PDZD2: variants seen among roughly 807,000 people sequenced by gnomAD.
PDZD2 encodes the protein PDZ domain containing 2.
PDZD2 carries 90 observed loss-of-function variants against 220.7 expected under a neutral mutation model. The ratio of observed to expected loss-of-function variants is 0.41; its 90% CI spans 0.34 to 0.49. The LOEUF (loss-of-function observed/expected upper bound fraction) is 0.49. Ranked by LOEUF, PDZD2 falls within the 20% of genes least tolerant of loss-of-function variation. The pLI, the probability that PDZD2 is intolerant of heterozygous loss-of-function variation, is 0.28. For synonymous variants in PDZD2, 1,375 were observed against 1,450.5 expected (o/e 0.95, Z 1.18); for missense variants, 3,174 against 3,608.5 (o/e 0.88, Z 3.08).
Position 31,935,851 on chromosome 5 carries a change from C to T in PDZD2, c.477-47304C>T, listed in dbSNP as rs73066476. On this transcript the variant is annotated intron_variant, in intron 2 of 24. Coordinates refer to ENST00000438447, the MANE Select transcript of PDZD2 (RefSeq NM_178140.4). ...TCTGTAGAATGAAGCAGCTGTGGTC[C>T]GTGGCCAAGTGTGCGTCCTTTGGTG... Among the ~76,000 whole-genome samples, 1,382 of 152,282 alleles carry T rather than the reference C, an allele frequency of 9.1e-3. 18 individuals carry two copies. The highest frequency in any genetic ancestry group is 0.032 in the African/African-American group (1,316 of 41,562).
At chr5:31,912,450 G>T (rs1466812747) in intron 2 of PDZD2, among the ~76,000 whole-genome samples, 1 of 152,096 alleles carries the variant, frequency 6.6e-6, no homozygotes, top group African/African-American at 2.4e-5. Flanking sequence ...TAACCCCCAA[G>T]GGGGTTCCTC....
rs1321874066 is a variant in PDZD2, at chr5:32,079,280, C to CA, written c.3682+1686dup. The stretch of plus-strand genomic sequence containing the variant: ...TCTCAAAAAAAAAACAAAAAAAAAA[C>CA]AAAAAAAAAAAAGGAAATCTGGATT... On this transcript the variant is annotated intron_variant, in intron 19 of 24. Transcript: ENST00000438447. Among the ~76,000 whole-genome samples, 170 of 121,344 alleles carry CA rather than the reference C, an allele frequency of 1.4e-3. 1 individual carries two copies. The highest frequency in any genetic ancestry group is 9.6e-3 in the East Asian group (42 of 4,374). 79.6% of individuals were successfully genotyped at this position (121,344 alleles called of 152,430 possible).
rs755640565 is a variant in PDZD2, at chr5:32,088,328, C to T, written c.4880C>T (p.Ser1627Leu). 6.8e-6 allele frequency: 11 copies of T among 1,614,036 alleles called. No individual in the cohort carries two copies. Among genetic ancestry groups the T allele is most frequent in the Admixed American group, 3.3e-5 (2 of 59,998 alleles). Residue 1627 changes from serine (S) to leucine (L), a missense_variant, in exon 20 of 25, where the codon TCA becomes TTA. Physicochemically the swap from Ser to Leu is moderately radical, Grantham distance 145. Coordinates refer to ENST00000438447, the MANE Select transcript of PDZD2 (RefSeq NM_178140.4). This position sits in a 1 kb window ranked among gnomAD's most constrained non-coding sequence, Gnocchi z 4.6. ...LPTQAAICPA[S>L]AKVLSLKYST... ...ACCCAGGCTGCCATCTGTCCTGCCT[C>T]AGCCAAAGTTCTGTCATTAAAATAC... is the stretch of plus-strand genomic sequence containing the variant.
At chr5:32,104,712 CATCTAAAAA>C (rs1283052991) in intron 24 of PDZD2, among the ~76,000 whole-genome samples, 1 of 73,022 alleles carries the variant, frequency 1.4e-5, no homozygotes, top group Non-Finnish European at 2.4e-5. Flanking sequence ...GAGAAGGCTC[CATCTAAAAA>C]AAAAAAAAAA....
chr5:31,917,339 G>C (rs1189815342), intron 2 of PDZD2, among the ~76,000 whole-genome samples: 1 of 152,150 alleles, frequency 6.6e-6, no homozygotes, highest in Non-Finnish European at 1.5e-5. Context: ...CTTGAGGCCA[G>C]CCTGGGCAAC....
chr5:31,916,885 G>A (rs1299894581), intron 2 of PDZD2, among the ~76,000 whole-genome samples: 1 of 151,446 alleles, frequency 6.6e-6, no homozygotes, highest in Non-Finnish European at 1.5e-5. Context: ...TCTGGTTTTA[G>A]TGAGAGCCCT....
At chr5:31,828,323 C>A (rs1359045952) in intron 2 of PDZD2, among the ~76,000 whole-genome samples, 2 of 152,172 alleles carry the variant, frequency 1.3e-5, no homozygotes, top group African/African-American at 4.8e-5. Flanking sequence ...GTTCTAATTT[C>A]TCCACATTCC....
chr5:32,039,559 GGCCACC>G (rs1308444672), intron 7 of PDZD2, among the ~76,000 whole-genome samples: 1 of 152,100 alleles, frequency 6.6e-6, no homozygotes, highest in African/African-American at 2.4e-5. Context: ...GTCTCTGCCT[GGCCACC>G]CATCGTCTGG....
At chr5:31,946,694 CG>C (rs1456649012) in intron 2 of PDZD2, among the ~76,000 whole-genome samples, 3 of 152,016 alleles carry the variant, frequency 2.0e-5, no homozygotes, top group African/African-American at 7.3e-5. Flanking sequence ...CTTTTTGTTT[CG>C]TTTTGTTTTT....
chr5:32,000,533 G>A lies in PDZD2; in HGVS notation c.1254+262G>A, dbSNP rs559339719. On this transcript the variant is annotated intron_variant, in intron 5 of 24. Coordinates refer to ENST00000438447, the MANE Select transcript of PDZD2 (RefSeq NM_178140.4). The surrounding 1 kb of genome is among the most constrained non-coding windows in gnomAD (Gnocchi z 4.5). ...TTTTTGTTTTTGTTTTTTTTGAGAC[G>A]GAGTTTCACTCTTGTTGCCTAGTCT... 2.0e-5 allele frequency among the ~76,000 whole-genome samples: 3 copies of A among 149,388 alleles called. No individual in the cohort carries two copies. The highest frequency in any genetic ancestry group is 2.1e-4 in the South Asian group (1 of 4,774).
intron 1 of PDZD2, among the ~76,000 whole-genome samples, chr5:31,777,047 T>C (rs1461180115): frequency 6.6e-6 from 1 of 152,068 alleles, no homozygotes; most frequent in African/African-American, 2.4e-5. Flanking sequence ...TGGGAGCCCC[T>C]CTCTGGGCTG....
intron 21 of PDZD2, among the ~76,000 whole-genome samples, chr5:32,096,038 C>T (rs988684172): frequency 1.1e-4 from 16 of 151,414 alleles, no homozygotes; most frequent in Admixed American, 2.6e-4. Flanking sequence ...CCACCGCACC[C>T]GGCGTAGGAG....
rs1452669453 is a variant in PDZD2 at position 32,041,379 on chromosome 5, G to A, written c.1519+4037G>A. Among the ~76,000 whole-genome samples, 6 of 152,176 alleles carry A rather than the reference G, an allele frequency of 3.9e-5. No individual in the cohort carries two copies. In the East Asian group the frequency reaches 9.7e-4, roughly 25 times the overall value. On this transcript the variant is annotated intron_variant, in intron 7 of 24. Transcript: ENST00000438447. The stretch of plus-strand genomic sequence containing the variant: ...ACCATCGAGAACGGGCCATGATGAC[G>A]ATGGCAGTTTTGTCATCAAGAAAAG...
At chr5:31,669,757 T>C (rs1407799126) in intron 1 of PDZD2, among the ~76,000 whole-genome samples, 1 of 152,230 alleles carries the variant, frequency 6.6e-6, no homozygotes, top group Non-Finnish European at 1.5e-5. Context: ...ACTTTGCTGA[T>C]GCTTACAAGA....
chr5:31,883,023 CA>C (rs781370177), intron 2 of PDZD2, among the ~76,000 whole-genome samples: 6,819 of 47,374 alleles, frequency 0.14, 45 homozygotes, highest in African/African-American at 0.21. Flanking sequence ...GACTCTGTCT[CA>C]AAAAAAAAAA....
At chr5:31,712,899 G>A (rs1748211279) in intron 1 of PDZD2, among the ~76,000 whole-genome samples, 1 of 152,192 alleles carries the variant, frequency 6.6e-6, no homozygotes, top group Admixed American at 6.5e-5. Flanking sequence ...AACTGTGCCA[G>A]AAGATCAAAA....
chr5:32,057,892 A>G lies in PDZD2; in HGVS notation c.1989A>G (p.Gly663=). 1.2e-6 allele frequency: 2 copies of G among 1,611,610 alleles called. No individual in the cohort carries two copies. The highest frequency in any genetic ancestry group is 1.7e-6 in the Non-Finnish European group (2 of 1,178,704). ...AIHTFKQIRS[G]LFVLTVRTKL... is the part of the protein sequence containing the mutation. Reference sequence around the variant, plus strand: ...TGTTTTCTCAGCAAATCCGGAGTGGATTATTTGTTTTAACGGTACGCACAA... The same window carrying G: ...TGTTTTCTCAGCAAATCCGGAGTGGGTTATTTGTTTTAACGGTACGCACAA... The change falls in exon 12 of 25, where the codon GGA becomes GGG. Residue 663 remains glycine, a synonymous_variant. Transcript: ENST00000438447.
chr5:31,976,692 TC>T (rs1308278700), intron 2 of PDZD2, among the ~76,000 whole-genome samples: 5 of 148,676 alleles, frequency 3.4e-5, no homozygotes, highest in African/African-American at 7.4e-5. Context: ...TTTGTTTCTT[TC>T]TTTTCCTTTT....
At chr5:31,760,585 C>G (rs1751573918) in intron 1 of PDZD2, among the ~76,000 whole-genome samples, 1 of 152,094 alleles carries the variant, frequency 6.6e-6, no homozygotes, top group South Asian at 2.1e-4. Flanking sequence ...CTCATGTATC[C>G]TAAGCACTTA....
Sources: allele counts gnomAD v4.1 joint callset (sites outside exome capture counted in the v4.1 genomes callset), GRCh38; gene constraint gnomAD v4.1.1; non-coding constraint Gnocchi (gnomAD v3.1); transcripts MANE v1.5; gene names NCBI Gene and HGNC (gene_info 2026-07-23, HGNC 2026-07-21).